The following PHF14 variants were observed in gnomAD, a reference collection of about 807,000 sequenced individuals.
PHF14 encodes PHD finger protein 14.
A neutral mutation model predicts 117.9 loss-of-function variants in PHF14; 55 were observed. The ratio of observed to expected loss-of-function variants is 0.47; its 90% CI spans 0.38 to 0.58. PHF14 has a LOEUF of 0.58. Among genes scored for constraint, PHF14 ranks in the 20% least tolerant of loss-of-function variants. PHF14 has a pLI of 0.00. For missense variants in PHF14, 978 were observed against 1,122.2 expected (o/e 0.87, Z 1.84); for synonymous variants, 409 against 368.6 (o/e 1.11, Z -1.26).
rs73281188 is a variant in PHF14 at position 11,034,234 on chromosome 7, A to G, written c.1456-1406A>G. ...CTTTGGGTTGTAAAACTCTACTTAG[A>G]GACACTTTTGACATAACTTAGAGAA... On this transcript the variant is annotated intron_variant, in intron 7 of 17. Transcript: ENST00000634607. Among the ~76,000 whole-genome samples the G allele has an allele frequency of 3.4e-3, 519 of 152,140 alleles. 2 individuals carry two copies. The highest frequency in any genetic ancestry group is 0.012 in the African/African-American group (506 of 41,504).
At chr7:11,002,333 AGGTCAAGGG>A (rs1562412886) in intron 4 of PHF14, among the ~76,000 whole-genome samples, 1 of 152,080 alleles carries the variant, frequency 6.6e-6, no homozygotes, top group African/African-American at 2.4e-5. Flanking sequence ...CCACAGGTGT[AGGTCAAGGG>A]GGGAGCCAGA....
At chr7:11,104,723 C>T in intron 16 of PHF14, 2 of 717,570 alleles carry the variant, frequency 2.8e-6, no homozygotes, top group Non-Finnish European at 1.7e-6. Flanking sequence ...TACCCTATTC[C>T]TCTCCTGGAT....
intron 14 of PHF14, among the ~76,000 whole-genome samples, chr7:11,058,738 A>G (rs917010054): frequency 6.6e-6 from 1 of 152,158 alleles, no homozygotes; most frequent in Non-Finnish European, 1.5e-5. Context: ...TGCATTCTGA[A>G]TGATTTAGCT....
chr7:11,168,248 A>G (rs905693915), intron 17 of PHF14, among the ~76,000 whole-genome samples: 3 of 152,146 alleles, frequency 2.0e-5, no homozygotes, highest in South Asian at 2.1e-4. Flanking sequence ...ACATATCTAT[A>G]ATGATTCAGA....
intron 17 of PHF14, among the ~76,000 whole-genome samples, chr7:11,125,316 A>G (rs1343065898): frequency 2.0e-5 from 3 of 152,124 alleles, no homozygotes; most frequent in African/African-American, 4.8e-5. Context: ...TTGCAAAGAT[A>G]GTTTAAGAAT....
At chr7:11,057,814 A>T (rs919892032) in intron 14 of PHF14, among the ~76,000 whole-genome samples, 2 of 152,172 alleles carry the variant, frequency 1.3e-5, no homozygotes, top group Admixed American at 1.3e-4. Flanking sequence ...TCACGGACAG[A>T]TTACGAGCAA....
intron 6 of PHF14, among the ~76,000 whole-genome samples, chr7:11,028,301 C>G (rs1450499387): frequency 6.6e-6 from 1 of 152,050 alleles, no homozygotes; most frequent in Non-Finnish European, 1.5e-5. Flanking sequence ...GTGGATTCTG[C>G]TGAGCGTGTA....
At chr7:10,975,622 C>G (rs935581536) in intron 2 of PHF14, among the ~76,000 whole-genome samples, 1 of 151,914 alleles carries the variant, frequency 6.6e-6, no homozygotes, top group African/African-American at 2.4e-5. Flanking sequence ...TATACAGTTT[C>G]AATTGAAGGA....
chr7:10,989,187 C>T (rs1782356692), intron 3 of PHF14, among the ~76,000 whole-genome samples: 1 of 152,072 alleles, frequency 6.6e-6, no homozygotes, highest in Admixed American at 6.6e-5. Context: ...GATTGTTTTA[C>T]AAATCTGCCG....
intron 16 of PHF14, among the ~76,000 whole-genome samples, chr7:11,097,127 G>A (rs1786904450): frequency 6.6e-6 from 1 of 151,806 alleles, no homozygotes; most frequent in Non-Finnish European, 1.5e-5. Flanking sequence ...TTACAGGCAT[G>A]CACCACCATG....
chr7:11,047,654 A>G (rs116796841), intron 13 of PHF14, among the ~76,000 whole-genome samples: 3,874 of 150,518 alleles, frequency 0.026, 133 homozygotes, highest in East Asian at 0.1. Flanking sequence ...AGGAATGGTG[A>G]TGGGGATTCG....
intron 4 of PHF14, among the ~76,000 whole-genome samples, chr7:11,005,401 T>G (rs1783045432): frequency 2.0e-5 from 3 of 152,238 alleles, no homozygotes; most frequent in African/African-American, 7.2e-5. Flanking sequence ...GATTGCTGTT[T>G]CTGTTACTTA....
At chr7:11,023,011 A>G (rs1390828897) in intron 6 of PHF14, 32 bp downstream of exon 6, 2 of 1,247,770 alleles carry the variant, frequency 1.6e-6, no homozygotes, top group East Asian at 2.4e-5. Flanking sequence ...ATTGCTTGAA[A>G]GAGAAAGGTT....
intron 17 of PHF14, among the ~76,000 whole-genome samples, chr7:11,133,551 C>T (rs936757723): frequency 6.6e-6 from 1 of 151,784 alleles, no homozygotes; most frequent in Non-Finnish European, 1.5e-5. Context: ...AGTTTATAGC[C>T]ACTGAAAATC....
intron 16 of PHF14, chr7:11,105,182 T>G (rs986197530): frequency 1.0e-6 from 1 of 967,080 alleles, no homozygotes; most frequent in Non-Finnish European, 1.2e-6. Flanking sequence ...AAACAAAATT[T>G]AGCCTTAGCT....
Position 11,145,261 on chromosome 7 carries a change from T to C in PHF14, c.2773-24155T>C, listed in dbSNP as rs532636291. Among the ~76,000 whole-genome samples, 183 of 143,344 alleles carry C rather than the reference T, an allele frequency of 1.3e-3. 1 individual carries two copies. Among genetic ancestry groups the C allele is most frequent in the Non-Finnish European group, 2.2e-3 (148 of 65,918 alleles). The allele number at this position is 143,344 out of a possible 152,430, so 94.0% of individuals were successfully genotyped here. ...TTTTTCCTTCATTTCAGTACTATTA[T>C]AGGTGTATGTCCTCACTTGCTCTCT... On this transcript the variant is annotated intron_variant, in intron 17 of 17. Coordinates refer to ENST00000634607, the MANE Select transcript of PHF14 (RefSeq NM_001007157.2).
chr7:11,072,903 A>T (rs1785672569), intron 16 of PHF14, among the ~76,000 whole-genome samples: 1 of 152,144 alleles, frequency 6.6e-6, no homozygotes, highest in Non-Finnish European at 1.5e-5. Context: ...TCCTTTAAAC[A>T]ACCATCTTTC....
chr7:11,036,187 C>T (rs1236000269), intron 8 of PHF14, among the ~76,000 whole-genome samples: 1 of 152,042 alleles, frequency 6.6e-6, no homozygotes, highest in East Asian at 1.9e-4. Flanking sequence ...TAATTAGTTT[C>T]TCAAAACTCT....
At chr7:11,134,661 C>G (rs1054140405) in intron 17 of PHF14, among the ~76,000 whole-genome samples, 2 of 151,998 alleles carry the variant, frequency 1.3e-5, no homozygotes, top group African/African-American at 4.8e-5. Context: ...ATGACCAGGT[C>G]AGTTCTGGTC....
Sources: allele counts gnomAD v4.1 joint callset (sites outside exome capture counted in the v4.1 genomes callset), GRCh38; gene constraint gnomAD v4.1.1; transcripts MANE v1.5; gene names NCBI Gene and HGNC (gene_info 2026-07-23, HGNC 2026-07-21).